The following ATP2C2 variants were observed in gnomAD, a reference collection of about 807,000 sequenced individuals.
ATP2C2 encodes the protein ATPase secretory pathway Ca2+ transporting 2.
ATP2C2 carries 171 observed loss-of-function variants against 110.8 expected under a neutral mutation model. That is an observed-to-expected ratio of 1.54 (90% CI 1.36 to 1.75). The LOEUF (loss-of-function observed/expected upper bound fraction) is 1.75, where lower values mean the gene tolerates loss of function less well. ATP2C2 is among the 40% of genes most tolerant of loss of function. The pLI, the probability that ATP2C2 is intolerant of heterozygous loss-of-function variation, is 0.00. For synonymous variants in ATP2C2, 804 were observed against 508.4 expected, an observed-to-expected ratio of 1.58 and a Z score of -7.82; for missense variants, 1,963 against 1,235.0, an observed-to-expected ratio of 1.59 and a Z score of -8.84.
At position 84,410,809 on chromosome 16, in the gene ATP2C2, C is replaced by G. The variant is rs778315348; in HGVS notation, c.515+44C>G. ...GGGACTTTTTGGTTCACTGGAGGAG[C>G]CAGGGAGCTGGAGAGTTTGGCAAAT... On this transcript the variant is annotated intron_variant, in intron 6 of 26. Transcript: ENST00000262429. The G allele has an allele frequency of 8.3e-6, 13 of 1,570,138 alleles. No individual in the cohort carries two copies. In the African/African-American group the frequency reaches 1.6e-4, roughly 20 times the overall value.
At chr16:84,455,100 A>C in intron 21 of ATP2C2, 116 bp downstream of exon 21, 1 of 1,347,414 alleles carries the variant, frequency 7.4e-7, no homozygotes, top group South Asian at 1.3e-5. Flanking sequence ...CCCCAGGGAG[A>C]GCTGAATCTC....
Position 84,389,296 on chromosome 16 carries a change from G to T in ATP2C2, c.100-9203G>T, listed in dbSNP as rs114090851. Among the ~76,000 whole-genome samples, 1,474 of 151,734 alleles carry T rather than the reference G, an allele frequency of 9.7e-3. 31 individuals are homozygous for T. The highest frequency in any genetic ancestry group is 0.033 in the African/African-American group (1,352 of 41,358). On this transcript the variant is annotated intron_variant, in intron 1 of 26. Coordinates refer to ENST00000262429, the MANE Select transcript of ATP2C2 (RefSeq NM_014861.4). ...TCTCAACTGCTTTCTCACAATTCCT[G>T]GGTGCCTTTCTAGATTCCCCGCGAT...
intron 3 of ATP2C2, 89 bp downstream of exon 3, chr16:84,405,333 C>T: frequency 1.8e-6 from 2 of 1,110,640 alleles, no homozygotes; most frequent in South Asian, 1.5e-5. Flanking sequence ...TGATGGAAGG[C>T]ATCCTTGGAC....
At chr16:84,439,142 G>T in intron 11 of ATP2C2, 24 bp from the exon 12 acceptor site, 1 of 1,611,764 alleles carries the variant, frequency 6.2e-7, no homozygotes, top group Non-Finnish European at 8.5e-7. Flanking sequence ...TGTTAGAGGG[G>T]ACTCATTTGA....
intron 17 of ATP2C2, 111 bp downstream of exon 17, chr16:84,448,800 G>C (rs1349859906): frequency 7.1e-7 from 1 of 1,411,588 alleles, no homozygotes; most frequent in Non-Finnish European, 9.5e-7. Flanking sequence ...CAAGGAGTCA[G>C]GCAGCATGCT....
At chr16:84,444,418 A>G (rs1185742550) in intron 15 of ATP2C2, among the ~76,000 whole-genome samples, 2 of 137,728 alleles carry the variant, frequency 1.5e-5, no homozygotes, top group African/African-American at 5.2e-5. Context: ...GGTTACAGTG[A>G]GCCGAGATCG....
At chr16:84,435,846 A>C (rs1908691258) in intron 11 of ATP2C2, among the ~76,000 whole-genome samples, 1 of 147,190 alleles carries the variant, frequency 6.8e-6, no homozygotes, top group Non-Finnish European at 1.5e-5. Flanking sequence ...AATAAAAAAC[A>C]GGCAAGGCAC....
At chr16:84,463,473 T>G (rs1911600214) in intron 26 of ATP2C2, 141 bp from the exon 27 acceptor site, 1 of 695,674 alleles carries the variant, frequency 1.4e-6, no homozygotes, top group Non-Finnish European at 2.5e-6. Flanking sequence ...GTTAGGAAGA[T>G]CTCCCTGCCT....
chr16:84,455,028 G>T (rs1910662244), intron 21 of ATP2C2, 44 bp downstream of exon 21: 1 of 1,602,746 alleles, frequency 6.2e-7, no homozygotes. Flanking sequence ...AAAATGCCTG[G>T]GGTCACCAGC....
rs192661787 is a variant in ATP2C2 at position 84,376,410 on chromosome 16, C to T, written c.99+7696C>T. On this transcript the variant is annotated intron_variant, in intron 1 of 26. Transcript: ENST00000262429. ...TGATATAGATTATTGGTCTCCACCA[C>T]ACAAGGGATTACTACTGGGTGAGTG... Among the ~76,000 whole-genome samples, 30 of 152,306 alleles carry T rather than the reference C, an allele frequency of 2.0e-4. 1 individual carries two copies. The highest frequency in any genetic ancestry group is 7.0e-4 in the African/African-American group (29 of 41,566).
intron 2 of ATP2C2, among the ~76,000 whole-genome samples, chr16:84,403,268 G>C (rs1473492674): frequency 6.6e-6 from 1 of 152,032 alleles, no homozygotes; most frequent in Non-Finnish European, 1.5e-5. Flanking sequence ...AAAAATGTCT[G>C]ATATGTGGTA....
intron 7 of ATP2C2, among the ~76,000 whole-genome samples, chr16:84,416,529 C>G (rs914229411): frequency 6.6e-6 from 1 of 152,104 alleles, no homozygotes; most frequent in Non-Finnish European, 1.5e-5. Flanking sequence ...TGGAAGCTAC[C>G]CCCTGGGACC....
At chr16:84,399,828 G>A (rs970549061) in intron 2 of ATP2C2, among the ~76,000 whole-genome samples, 16 of 152,066 alleles carry the variant, frequency 1.1e-4, no homozygotes, top group African/African-American at 2.9e-4. Flanking sequence ...GACAACAGTC[G>A]CCCTGTCATG....
intron 21 of ATP2C2, 52 bp from the exon 22 acceptor site, chr16:84,459,068 C>A: frequency 6.3e-7 from 1 of 1,596,790 alleles, no homozygotes; most frequent in South Asian, 1.1e-5. Flanking sequence ...ATGCACTGGT[C>A]CAGCCCTCAC....
At position 84,460,802 on chromosome 16, in the gene ATP2C2, G is replaced by T; in HGVS notation, c.2481+1G>T. The T allele has an allele frequency of 1.2e-6, 2 of 1,610,276 alleles. No individual in the cohort carries two copies. The highest frequency in any genetic ancestry group is 1.1e-5 in the South Asian group (1 of 90,808). ...GACCCTCTTTATCTTCTGGAAGGAG[G>T]TGAGCGAGGGTCACCCCGGCCTGTT... On this transcript the variant is annotated splice_donor_variant, in intron 24 of 26. Coordinates refer to ENST00000262429, the MANE Select transcript of ATP2C2 (RefSeq NM_014861.4). LOFTEE classifies it high-confidence loss of function.
In ATP2C2 at chr16:84,453,114, C is replaced by T. The variant is rs147097401; in HGVS notation, c.1832-24C>T. 2,700 of 1,586,142 alleles carry T rather than the reference C, an allele frequency of 1.7e-3. 6 individuals carry two copies. The highest frequency in any genetic ancestry group is 2.2e-3 in the Non-Finnish European group (2,563 of 1,165,846). ...GTGGGGACGCGGGCCTCAGAGCAGGCCCTCAGAACAGGTTCTTCTGAAGGA... is the reference window on the plus strand; with the variant it reads ...GTGGGGACGCGGGCCTCAGAGCAGGTCCTCAGAACAGGTTCTTCTGAAGGA... On this transcript the variant is annotated intron_variant, in intron 18 of 26. Coordinates refer to ENST00000262429, the MANE Select transcript of ATP2C2 (RefSeq NM_014861.4).
intron 1 of ATP2C2, among the ~76,000 whole-genome samples, chr16:84,371,966 G>A (rs559294642): frequency 2.3e-4 from 35 of 152,322 alleles, no homozygotes; most frequent in African/African-American, 7.9e-4. Flanking sequence ...ACTGTTTAAT[G>A]CCAACGTGTC....
At chr16:84,380,587 C>T (rs1238957742) in intron 1 of ATP2C2, among the ~76,000 whole-genome samples, 1 of 152,080 alleles carries the variant, frequency 6.6e-6, no homozygotes, top group Admixed American at 6.6e-5. Context: ...GTTCTTGGCC[C>T]CTTTTCTGCG....
At chr16:84,451,851 A>G in intron 17 of ATP2C2, 70 bp from the exon 18 acceptor site, 1 of 1,450,452 alleles carries the variant, frequency 6.9e-7, no homozygotes, top group Non-Finnish European at 9.4e-7. Flanking sequence ...AACAACAACA[A>G]CAACCAACAA....
Sources: gnomAD v4.1 joint callset for allele counts (sites outside exome capture counted in the v4.1 genomes callset) on GRCh38, gnomAD v4.1.1 for gene constraint, MANE v1.5 for transcripts, NCBI Gene and HGNC (gene_info 2026-07-23, HGNC 2026-07-21) for gene names.